The following NRG1 variants were observed in gnomAD, a reference collection of about 807,000 sequenced individuals.
NRG1 encodes the protein pro-neuregulin-1, membrane-bound isoform.
NRG1 carries 18 observed loss-of-function variants against 63.8 expected under a neutral mutation model. The observed-to-expected ratio is 0.28, with a 90% CI of 0.19 to 0.42. The LOEUF (loss-of-function observed/expected upper bound fraction) is 0.42. Ranked by LOEUF, NRG1 falls within the 10% of genes least tolerant of loss-of-function variation. The probability of loss-of-function intolerance (pLI) is 1.00; values close to 1 mark genes in which losing one functional copy is unlikely to be tolerated. For synonymous variants in NRG1, 302 were observed against 301.3 expected (o/e 1.00, Z -0.02); for missense variants, 762 against 814.7 (o/e 0.94, Z 0.79).
At chr8:31,657,316 A>G (rs1205151946) in intron 1 of NRG1, among the ~76,000 whole-genome samples, 1 of 152,218 alleles carries the variant, frequency 6.6e-6, no homozygotes. Flanking sequence ...GAAAGATGAA[A>G]ATGAAATAAA....
intron 1 of NRG1, among the ~76,000 whole-genome samples, chr8:31,902,812 C>G (rs922936136): frequency 1.3e-5 from 2 of 151,970 alleles, no homozygotes; most frequent in Non-Finnish European, 2.9e-5. Flanking sequence ...CTGATAAATC[C>G]CAACCCACAT....
At chr8:32,192,381 G>A (rs535653454) in intron 1 of NRG1, among the ~76,000 whole-genome samples, 6 of 152,232 alleles carry the variant, frequency 3.9e-5, no homozygotes, top group Admixed American at 2.0e-4. Flanking sequence ...CATATGATAC[G>A]TATACACCAT....
At chr8:31,975,286 C>A (rs975596414) in intron 1 of NRG1, among the ~76,000 whole-genome samples, 1 of 152,088 alleles carries the variant, frequency 6.6e-6, no homozygotes, top group Non-Finnish European at 1.5e-5. Flanking sequence ...AAGCTCAGAT[C>A]CCCGTGTCTC....
At chr8:31,980,638 T>A (rs1239601147) in intron 1 of NRG1, among the ~76,000 whole-genome samples, 1 of 152,088 alleles carries the variant, frequency 6.6e-6, no homozygotes, top group African/African-American at 2.4e-5. Flanking sequence ...TTACCAGTAA[T>A]ATTTCTAGTT....
At chr8:32,439,877 C>T (rs1418556725) in intron 1 of NRG1, among the ~76,000 whole-genome samples, 1 of 143,566 alleles carries the variant, frequency 7.0e-6, no homozygotes, top group Non-Finnish European at 1.5e-5. Flanking sequence ...CTCAAGCAAT[C>T]CTCATCCTCC....
At chr8:31,705,847 G>A (rs941541732) in intron 1 of NRG1, among the ~76,000 whole-genome samples, 3 of 152,168 alleles carry the variant, frequency 2.0e-5, no homozygotes, top group Non-Finnish European at 4.4e-5. Flanking sequence ...GCTTAAAAAA[G>A]GAGGTAATCT....
intron 1 of NRG1, among the ~76,000 whole-genome samples, chr8:31,943,413 G>T (rs1464075277): frequency 6.6e-6 from 1 of 152,072 alleles, no homozygotes; most frequent in African/African-American, 2.4e-5. Context: ...AAGGATAAGA[G>T]AATATTCACT....
chr8:32,100,236 A>G (rs1203150490), intron 1 of NRG1, among the ~76,000 whole-genome samples: 1 of 152,190 alleles, frequency 6.6e-6, no homozygotes. Context: ...GATAGAACCC[A>G]AAGTGTACTG....
intron 1 of NRG1, among the ~76,000 whole-genome samples, chr8:31,755,362 T>A (rs1480009583): frequency 6.6e-6 from 1 of 152,104 alleles, no homozygotes; most frequent in African/African-American, 2.4e-5. Flanking sequence ...TTAAGAGACT[T>A]GAAACTGAGA....
intron 1 of NRG1, among the ~76,000 whole-genome samples, chr8:32,162,262 T>C (rs557639733): frequency 2.8e-4 from 43 of 152,322 alleles, no homozygotes; most frequent in African/African-American, 1.0e-3. Context: ...TCTATCATGA[T>C]GGAATGCTGG....
intron 1 of NRG1, among the ~76,000 whole-genome samples, chr8:32,175,338 A>T (rs971776018): frequency 2.0e-5 from 3 of 152,228 alleles, no homozygotes; most frequent in Non-Finnish European, 4.4e-5. Flanking sequence ...ATGTCAAAAT[A>T]ATAAGAACTA....
intron 1 of NRG1, among the ~76,000 whole-genome samples, chr8:31,916,416 C>A (rs1465842484): frequency 6.6e-6 from 1 of 152,074 alleles, no homozygotes; most frequent in Non-Finnish European, 1.5e-5. Flanking sequence ...CCTGTGTTCT[C>A]ATTGTTCAAT....
At chr8:32,395,695 C>G (rs1195547488) in intron 1 of NRG1, among the ~76,000 whole-genome samples, 1 of 151,740 alleles carries the variant, frequency 6.6e-6, no homozygotes, top group Admixed American at 6.6e-5. Context: ...CTTACCTTTA[C>G]ATTCCCTTAC....
intron 1 of NRG1, among the ~76,000 whole-genome samples, chr8:32,132,392 A>C (rs542033127): frequency 6.6e-6 from 1 of 152,214 alleles, no homozygotes; most frequent in Non-Finnish European, 1.5e-5. Context: ...ATTTCCAAAA[A>C]GGTGTGAGAT....
intron 1 of NRG1, among the ~76,000 whole-genome samples, chr8:31,858,256 G>A (rs559027395): frequency 4.6e-5 from 7 of 151,294 alleles, no homozygotes; most frequent in East Asian, 3.9e-4. Flanking sequence ...CTGAGATGGC[G>A]CCACTGCACT....
chr8:31,830,364 TCCTTC>T (rs1563454865), intron 1 of NRG1, among the ~76,000 whole-genome samples: 1 of 18,942 alleles, frequency 5.3e-5, no homozygotes, highest in Non-Finnish European at 1.1e-4. Context: ...CTTCCTTCCC[TCCTTC>T]CCTCCTTCCC....
chr8:32,608,092 GTTTTTTTTTTTTTT>G (rs1845616677), intron 3 of NRG1, among the ~76,000 whole-genome samples: 1 of 106,158 alleles, frequency 9.4e-6, no homozygotes, highest in South Asian at 3.2e-4. Context: ...GGTTTTTTTT[GTTTTTTTTTTTTTT>G]GTTTTTTTTT....
rs566226984 is a variant in NRG1 at position 32,756,546 on chromosome 8, C to T, written c.921+17C>T. 6.3e-7 allele frequency: 1 copy of T among 1,597,742 alleles called. No individual in the cohort carries two copies. The highest frequency in any genetic ancestry group is 1.1e-5 in the South Asian group (1 of 88,984). On this transcript the variant is annotated intron_variant, in intron 9 of 11. Transcript: ENST00000356819. ...CTGGTGAATGTACGTTGACTCTGGC[C>T]AGTGGAAAAAACTGAGCCTCTCTCC...
chr8:32,430,624 A>G (rs928881965), intron 1 of NRG1, among the ~76,000 whole-genome samples: 2 of 152,204 alleles, frequency 1.3e-5, no homozygotes, highest in African/African-American at 4.8e-5. Context: ...TCAACACTGA[A>G]AATGAGGACT....
Sources: gnomAD v4.1 joint callset for allele counts (sites outside exome capture counted in the v4.1 genomes callset) on GRCh38, gnomAD v4.1.1 for gene constraint, MANE v1.5 for transcripts, NCBI Gene and HGNC (gene_info 2026-07-23, HGNC 2026-07-21) for gene names.